Variants in YY1AP1 observed in about 807,000 individuals in gnomAD.
The protein encoded by YY1AP1 is YY1 associated protein 1.
Under a neutral mutation model 39.9 loss-of-function variants are expected in YY1AP1, and 43 were observed. The observed-to-expected ratio is 1.08, with a 90% CI of 0.84 to 1.39. The LOEUF (loss-of-function observed/expected upper bound fraction) is 1.39. YY1AP1 is among the 40% of genes most tolerant of loss of function. YY1AP1 has a pLI of 0.00. For synonymous variants in YY1AP1, 292 were observed against 331.3 expected, an observed-to-expected ratio of 0.88 and a Z score of 1.29; for missense variants, 813 against 900.7, an observed-to-expected ratio of 0.90 and a Z score of 1.25.
intron 4 of YY1AP1, 45 bp from the exon 5 acceptor site, chr1:155,676,791 C>T: frequency 6.4e-7 from 1 of 1,572,674 alleles, no homozygotes; most frequent in Non-Finnish European, 8.7e-7. Context: ...TTCCTAGGTC[C>T]ACAACACATC....
rs1460104539 is a variant in YY1AP1 at position 155,676,519 on chromosome 1, A to C, written c.324+29T>G. ...TCAGAGTTAGGCCTTGGTATAATTC[A>C]ATATTAATATGACCAAGGAAAGTGT... is the stretch of plus-strand genomic sequence containing the variant. On this transcript the variant is annotated intron_variant, in intron 5 of 10. Transcript: ENST00000355499. 1.9e-6 allele frequency: 3 copies of C among 1,613,304 alleles called. No individual in the cohort carries two copies. In the Admixed American group the frequency reaches 5.0e-5, roughly 27 times the overall value.
rs1647697033 is a variant in YY1AP1, at chr1:155,659,523, G to C, written c.*134C>G. ...ACAGAGTGGGAGCAGGCTAAAGCAAGCTGCTCAAGAGCCCCAGTTGCAAAA... is the reference window on the plus strand; with the variant it reads ...ACAGAGTGGGAGCAGGCTAAAGCAACCTGCTCAAGAGCCCCAGTTGCAAAA... On this transcript the variant is annotated 3_prime_UTR_variant, in exon 11 of 11. Coordinates refer to ENST00000355499, the MANE Select transcript of YY1AP1 (RefSeq NM_139119.3). The C allele has an allele frequency of 2.4e-6, 2 of 844,798 alleles. No individual in the cohort carries two copies. Among genetic ancestry groups the C allele is most frequent in the Non-Finnish European group, 3.8e-6 (2 of 531,390 alleles). The allele number at this position is 844,798 out of a possible 1,614,324, so 52.3% of individuals were successfully genotyped here. A position where few individuals can be genotyped will look rare whatever the true frequency, so the allele number is the denominator to read the frequency against.
rs1647700073 is a variant in YY1AP1 at position 155,659,568 on chromosome 1, T to C, written c.*89A>G. 2 of 1,465,532 alleles carry C rather than the reference T, an allele frequency of 1.4e-6. No homozygotes were observed. The highest frequency in any genetic ancestry group is 1.9e-6 in the Non-Finnish European group (2 of 1,072,202). 90.8% of individuals were successfully genotyped at this position (1,465,532 alleles called of 1,614,324 possible). A position where few individuals can be genotyped will look rare whatever the true frequency, so the allele number is the denominator to read the frequency against. ...GCAAAATCTGGGGTTTAAGTACCCT[T>C]TAGGGGTTTCCTATTGGTTACACCC... On this transcript the variant is annotated 3_prime_UTR_variant, in exon 11 of 11. Coordinates refer to ENST00000355499, the MANE Select transcript of YY1AP1 (RefSeq NM_139119.3).
rs1254688794 is a variant in YY1AP1 at position 155,688,167 on chromosome 1, C to T, written c.-117G>A. On this transcript the variant is annotated 5_prime_UTR_variant, in exon 2 of 11. Coordinates refer to ENST00000355499, the MANE Select transcript of YY1AP1 (RefSeq NM_139119.3). ...TTCCCTGGGTCCACCGCGGATCCCTCCCGCTTGTCAGGAGGCGGCCAGCGG... is the reference window on the plus strand; with the variant it reads ...TTCCCTGGGTCCACCGCGGATCCCTTCCGCTTGTCAGGAGGCGGCCAGCGG... 4 of 1,614,012 alleles carry T rather than the reference C, an allele frequency of 2.5e-6. No homozygotes were observed. The highest frequency in any genetic ancestry group is 3.4e-6 in the Non-Finnish European group (4 of 1,179,982).
chr1:155,680,679 A>G (rs1310499197), intron 2 of YY1AP1, among the ~76,000 whole-genome samples: 1 of 152,012 alleles, frequency 6.6e-6, no homozygotes, highest in Non-Finnish European at 1.5e-5. Flanking sequence ...CGATCCTCCC[A>G]CTTCAGCCCT....
At chr1:155,674,327 A>C (rs901603098) in intron 6 of YY1AP1, among the ~76,000 whole-genome samples, 2 of 151,862 alleles carry the variant, frequency 1.3e-5, no homozygotes, top group Admixed American at 6.5e-5. Flanking sequence ...CAAAACAAAA[A>C]AAACACAGAC....
At chr1:155,662,855 T>C (rs1648373314) in intron 9 of YY1AP1, among the ~76,000 whole-genome samples, 1 of 150,956 alleles carries the variant, frequency 6.6e-6, no homozygotes, top group African/African-American at 2.4e-5. Flanking sequence ...CAAAAAAAAA[T>C]TAGCTGGGTG....
At chr1:155,670,732 T>C in intron 7 of YY1AP1, 1 of 355,058 alleles carries the variant, frequency 2.8e-6, no homozygotes, top group South Asian at 2.5e-5. Context: ...CTGGAGTGCG[T>C]GGCGCAATCT....
chr1:155,680,296 G>A, intron 3 of YY1AP1, 120 bp downstream of exon 3: 1 of 1,101,442 alleles, frequency 9.1e-7, no homozygotes, highest in Non-Finnish European at 1.3e-6. Context: ...TTCCCAGGTA[G>A]ACTAAAAGGA....
At chr1:155,670,639 C>G (rs34319164) in intron 7 of YY1AP1, 175 bp from the exon 8 acceptor site, 1 of 600,478 alleles carries the variant, frequency 1.7e-6, no homozygotes, top group Non-Finnish European at 2.8e-6. Context: ...AACATTAGGT[C>G]TAAAGGGAGT....
chr1:155,688,723 GC>G lies in YY1AP1; in HGVS notation c.-217del, dbSNP rs1359935084. The G allele has an allele frequency of 2.4e-5, 29 of 1,195,918 alleles. No homozygotes were observed. The highest frequency in any genetic ancestry group is 3.1e-5 in the Non-Finnish European group (27 of 873,136). The allele number at this position is 1,195,918 out of a possible 1,614,324, so 74.1% of individuals were successfully genotyped here. A position where few individuals can be genotyped will look rare whatever the true frequency, so the allele number is the denominator to read the frequency against. ...CTCTCCTCCCCCTCCCTCCCCGCCCGCACGGCCACCAACCGCCGCCAAAGCA... is the reference window on the plus strand; with the variant it reads ...CTCTCCTCCCCCTCCCTCCCCGCCCGACGGCCACCAACCGCCGCCAAAGCA... On this transcript the variant is annotated 5_prime_UTR_variant, in exon 1 of 11. Coordinates refer to ENST00000355499, the MANE Select transcript of YY1AP1 (RefSeq NM_139119.3).
Position 155,688,135 on chromosome 1 carries a change from C to T in YY1AP1, c.-85G>A. The T allele has an allele frequency of 1.2e-6, 2 of 1,612,854 alleles. No homozygotes were observed. The highest frequency in any genetic ancestry group is 1.7e-6 in the Non-Finnish European group (2 of 1,179,152). On this transcript the variant is annotated 5_prime_UTR_variant, in exon 2 of 11. Coordinates refer to ENST00000355499, the MANE Select transcript of YY1AP1 (RefSeq NM_139119.3). The stretch of plus-strand genomic sequence containing the variant: ...AGGAAGAGGGGGTGGCCGCCAGGCT[C>T]CTCCGCTTCCCTGGGTCCACCGCGG...
chr1:155,679,214 C>T (rs878895149), intron 4 of YY1AP1, 195 bp downstream of exon 4: 5 of 1,520,856 alleles, frequency 3.3e-6, no homozygotes, highest in African/African-American at 2.8e-5. Context: ...CAAACAGATA[C>T]AGCTTGGCCT....
intron 4 of YY1AP1, chr1:155,679,196 T>C: frequency 1.3e-6 from 2 of 1,502,964 alleles, no homozygotes; most frequent in African/African-American, 1.4e-5. Context: ...CTGTTTTTTC[T>C]CCCTTCCCAA....
intron 9 of YY1AP1, among the ~76,000 whole-genome samples, chr1:155,667,509 A>C (rs1385443140): frequency 6.6e-6 from 1 of 151,892 alleles, no homozygotes; most frequent in African/African-American, 2.4e-5. Context: ...AAAAAAAAAA[A>C]AAAACATAAA....
In YY1AP1 at chr1:155,676,567, A is replaced by C. The variant is rs1271270372; in HGVS notation, c.305T>G (p.Leu102Arg). The change falls in exon 5 of 11, where the codon CTC becomes CGC. Residue 102 changes from leucine (L) to arginine (R), a missense_variant. Leu to Arg is a moderately radical substitution (Grantham distance 102). Around this residue, in one of 3 missense-constraint regions of YY1AP1, gnomAD observed 196 missense variants for 189.7 expected, o/e 1.03. Coordinates refer to ENST00000355499, the MANE Select transcript of YY1AP1 (RefSeq NM_139119.3). The stretch of plus-strand genomic sequence containing the variant: ...TGTTACCTGCTGCATCTGCTGCTGG[A>C]GTCTCTTCCTTTGTGCTGGGTCCAG... ...LILDPAQRKRLQQQMQQHVQL... is the reference protein window; with the variant it reads ...LILDPAQRKRRQQQMQQHVQL... The C allele has an allele frequency of 1.9e-6, 3 of 1,614,062 alleles. No homozygotes were observed. Among genetic ancestry groups the C allele is most frequent in the Non-Finnish European group, 2.5e-6 (3 of 1,180,050 alleles).
intron 2 of YY1AP1, among the ~76,000 whole-genome samples, chr1:155,685,773 G>A (rs1218465175): frequency 2.0e-5 from 3 of 152,072 alleles, no homozygotes; most frequent in African/African-American, 7.2e-5. Flanking sequence ...TTTCATTACA[G>A]TTTAAGTTCC....
chr1:155,670,518 A>AT (rs1423523243), intron 7 of YY1AP1, 54 bp from the exon 8 acceptor site: 6 of 1,605,490 alleles, frequency 3.7e-6, no homozygotes, highest in African/African-American at 1.3e-5. Flanking sequence ...AGAGGGCTTC[A>AT]AAAAGCCTGT....
At chr1:155,681,842 A>AT (rs57371049) in intron 2 of YY1AP1, among the ~76,000 whole-genome samples, 2,313 of 137,636 alleles carry the variant, frequency 0.017, 23 homozygotes, top group Non-Finnish European at 0.023. Flanking sequence ...TACATTGAGG[A>AT]TTTTTTTTTT....
Sources: allele counts gnomAD v4.1 joint callset (sites outside exome capture counted in the v4.1 genomes callset), GRCh38; gene constraint gnomAD v4.1.1; regional missense constraint gnomAD v4.1.1; transcripts MANE v1.5; gene names NCBI Gene and HGNC (gene_info 2026-07-23, HGNC 2026-07-21).